The following AGMO variants were observed in gnomAD, a reference collection of about 807,000 sequenced individuals.
AGMO encodes glyceryl-ether monooxygenase.
Under a neutral mutation model 60.2 loss-of-function variants are expected in AGMO, and 75 were observed. The observed-to-expected ratio is 1.25, with a 90% CI of 1.03 to 1.51. The LOEUF (loss-of-function observed/expected upper bound fraction) is 1.51. Among genes scored for constraint, AGMO ranks in the 40% most tolerant of loss-of-function variants. The pLI is 0.00. For missense variants in AGMO, 763 were observed against 525.5 expected (o/e 1.45, Z -4.42); for synonymous variants, 261 against 177.1 (o/e 1.47, Z -3.76).
chr7:15,429,169 G>A (rs1031910314), intron 4 of AGMO, among the ~76,000 whole-genome samples: 5 of 151,936 alleles, frequency 3.3e-5, no homozygotes, highest in African/African-American at 9.7e-5. Flanking sequence ...CACATATATT[G>A]CTTAGAAGTG....
intron 10 of AGMO, among the ~76,000 whole-genome samples, chr7:15,376,838 A>AT (rs769373720): frequency 2.0e-5 from 3 of 152,080 alleles, no homozygotes; most frequent in Admixed American, 1.3e-4. Context: ...TCCGTGGGTC[A>AT]TATCACTAAA....
intron 3 of AGMO, among the ~76,000 whole-genome samples, chr7:15,460,571 C>T (rs114862578): frequency 0.014 from 2,123 of 152,020 alleles, 46 homozygotes; most frequent in African/African-American, 0.05. Context: ...GTGACTCTTA[C>T]ATATTGTGTC....
intron 3 of AGMO, among the ~76,000 whole-genome samples, chr7:15,514,789 G>T (rs1312149648): frequency 6.6e-6 from 1 of 152,150 alleles, no homozygotes; most frequent in Non-Finnish European, 1.5e-5. Flanking sequence ...TTGTCTTTTA[G>T]AATTACTGGT....
At chr7:15,404,058 G>T (rs1400886071) in intron 5 of AGMO, among the ~76,000 whole-genome samples, 2 of 151,826 alleles carry the variant, frequency 1.3e-5, no homozygotes, top group East Asian at 1.9e-4. Context: ...CCACACTAAG[G>T]AGTGAAAAAA....
intron 3 of AGMO, among the ~76,000 whole-genome samples, chr7:15,458,926 T>C (rs560844657): frequency 6.6e-6 from 1 of 152,300 alleles, no homozygotes; most frequent in South Asian, 2.1e-4. Context: ...TTAGTTATTT[T>C]CCATCATATA....
At chr7:15,276,865 A>G (rs1783808770) in intron 12 of AGMO, among the ~76,000 whole-genome samples, 1 of 140,880 alleles carries the variant, frequency 7.1e-6, no homozygotes, top group African/African-American at 2.7e-5. Flanking sequence ...TGAATTTTTC[A>G]TTTCCAGAAC....
chr7:15,321,928 T>C (rs1251635405), intron 12 of AGMO, among the ~76,000 whole-genome samples: 1 of 152,070 alleles, frequency 6.6e-6, no homozygotes, highest in Non-Finnish European at 1.5e-5. Context: ...GTCTATTTAA[T>C]ACAATTTTTT....
chr7:15,176,185 G>C, the AGMO span, among the ~76,000 whole-genome samples: 1 of 151,894 alleles, frequency 6.6e-6, no homozygotes, highest in Non-Finnish European at 1.5e-5. Context: ...AACACATACA[G>C]TCATTATTTA....
intron 3 of AGMO, among the ~76,000 whole-genome samples, chr7:15,460,549 TC>T (rs2128508521): frequency 6.6e-6 from 1 of 152,210 alleles, no homozygotes; most frequent in African/African-American, 2.4e-5. Context: ...TACTTGCTTT[TC>T]AGAAATAAAT....
intron 12 of AGMO, among the ~76,000 whole-genome samples, chr7:15,338,615 G>A (rs1031961389): frequency 6.6e-6 from 1 of 151,998 alleles, no homozygotes; most frequent in Admixed American, 6.6e-5. Flanking sequence ...ACAACTTTAA[G>A]ACTAATAAAA....
chr7:15,413,014 A>C (rs1780658649), intron 5 of AGMO, among the ~76,000 whole-genome samples: 1 of 152,196 alleles, frequency 6.6e-6, no homozygotes, highest in African/African-American at 2.4e-5. Context: ...AATAACAGTC[A>C]ATTGAAGTAG....
intron 12 of AGMO, among the ~76,000 whole-genome samples, chr7:15,346,748 C>T (rs2128552051): frequency 6.6e-6 from 1 of 151,938 alleles, no homozygotes; most frequent in Non-Finnish European, 1.5e-5. Context: ...TAATATATGG[C>T]TTTGGAAAAC....
At chr7:15,296,666 A>G (rs1483739218) in intron 12 of AGMO, among the ~76,000 whole-genome samples, 1 of 152,218 alleles carries the variant, frequency 6.6e-6, no homozygotes, top group East Asian at 1.9e-4. Context: ...ATAAAAGGAC[A>G]TAATTAAGAA....
chr7:15,203,481 A>G (rs1039669266), intron 12 of AGMO, among the ~76,000 whole-genome samples: 1 of 144,046 alleles, frequency 6.9e-6, no homozygotes, highest in Non-Finnish European at 1.6e-5. Flanking sequence ...TAGCAGTCTT[A>G]TTTTTTTTTT....
At chr7:15,262,072 T>C (rs570400948) in intron 12 of AGMO, among the ~76,000 whole-genome samples, 1 of 151,280 alleles carries the variant, frequency 6.6e-6, no homozygotes, top group Non-Finnish European at 1.5e-5. Context: ...GCATTCCCCC[T>C]GAGAAAAGAA....
chr7:15,440,489 A>G (rs1473324132), intron 3 of AGMO, among the ~76,000 whole-genome samples: 1 of 151,958 alleles, frequency 6.6e-6, no homozygotes, highest in Non-Finnish European at 1.5e-5. Context: ...TTGTGTGTGT[A>G]TTGGGCAACT....
Position 15,544,785 on chromosome 7 carries a change from A to G in AGMO, c.396T>C (p.His132=). 2 of 1,599,762 alleles carry G rather than the reference A, an allele frequency of 1.3e-6. No individual in the cohort carries two copies. Among genetic ancestry groups the G allele is most frequent in the East Asian group, 4.5e-5 (2 of 44,372 alleles). ...TTTGCAGCTTACCATGAGCCATACG[A>G]TGGAACCAGTAGTAGCCAAAGTCAA... ...LGVDFGYYWF[H]RMAHEVNIMW... Residue 132 remains histidine (H), a synonymous_variant, in exon 3 of 13, where the codon CAT becomes CAC. Transcript: ENST00000342526.
downstream of AGMO, among the ~76,000 whole-genome samples, chr7:15,197,821 T>C (rs1781158480): frequency 6.6e-6 from 1 of 152,202 alleles, no homozygotes; most frequent in Non-Finnish European, 1.5e-5. Context: ...CCTCAGCTTA[T>C]ACTTTTAAAG....
chr7:15,388,052 T>C (rs564259116), intron 8 of AGMO, among the ~76,000 whole-genome samples: 6 of 152,016 alleles, frequency 3.9e-5, no homozygotes, highest in African/African-American at 1.4e-4. Context: ...GGATTACAGG[T>C]GCCTGCCACC....
Sources: allele counts gnomAD v4.1 joint callset (sites outside exome capture counted in the v4.1 genomes callset), GRCh38; gene constraint gnomAD v4.1.1; transcripts MANE v1.5; gene names NCBI Gene and HGNC (gene_info 2026-07-23, HGNC 2026-07-21).